Variants in SBNO1 observed in about 807,000 individuals in gnomAD.
SBNO1 encodes strawberry notch homolog 1.
Under a neutral mutation model 173.6 loss-of-function variants are expected in SBNO1, and 23 were observed. The ratio of observed to expected loss-of-function variants is 0.13; its 90% confidence interval spans 0.10 to 0.19. The LOEUF is 0.19. SBNO1 is among the 10% of genes least tolerant of loss of function. SBNO1 has a pLI of 1.00. For synonymous variants in SBNO1, 632 were observed against 571.5 expected (o/e 1.11, Z -1.51); for missense variants, 1,238 against 1,671.2 (o/e 0.74, Z 4.52).
At chr12:123,358,872 C>T (rs1396178417) in intron 1 of SBNO1, among the ~76,000 whole-genome samples, 3 of 151,978 alleles carry the variant, frequency 2.0e-5, no homozygotes, top group Non-Finnish European at 4.4e-5. Context: ...AACCCTGTTC[C>T]AGTACTTTTC....
At position 123,293,380 on chromosome 12, in the gene SBNO1, C is replaced by G. The variant is rs2048539615; in HGVS notation, c.*2528G>C. On this transcript the variant is annotated 3_prime_UTR_variant, in exon 32 of 32. Coordinates refer to ENST00000602398, the MANE Select transcript of SBNO1 (RefSeq NM_001167856.3). ...CGCCCGGCTACGAGTTGGGTTTTAA[C>G]AGAAGAGGACCTTGAATGCTGAAGC... 1 of 152,170 alleles carries G rather than the reference C, an allele frequency of 6.6e-6. No homozygotes were observed. Among genetic ancestry groups the G allele is most frequent in the Non-Finnish European group, 1.5e-5 (1 of 68,040 alleles). 9.4% of individuals were successfully genotyped at this position (152,170 alleles called of 1,614,324 possible). A position where few individuals can be genotyped will look rare whatever the true frequency, so the allele number is the denominator to read the frequency against.
intron 5 of SBNO1, among the ~76,000 whole-genome samples, chr12:123,338,728 G>GT: frequency 6.6e-6 from 1 of 151,672 alleles, no homozygotes; most frequent in South Asian, 2.1e-4. Flanking sequence ...TCTGGGTGTG[G>GT]TGGTGGTGGT....
At position 123,320,817 on chromosome 12, in the gene SBNO1, C is replaced by T. The variant is rs1064748; in HGVS notation, c.2373G>A (p.Lys791=). 1.3e-6 allele frequency: 2 copies of T among 1,597,092 alleles called. No individual in the cohort carries two copies. Among genetic ancestry groups the T allele is most frequent in the Middle Eastern group, 4.0e-4 (2 of 5,052 alleles). ...KDHKKNKEKK[K]KKSIDPDSIQ... is the part of the protein sequence containing the mutation. Reference sequence around the variant, plus strand: ...TAGAATCTGGATCTATACTTTTCTTCTTTTTTTTCTCTTTGTTTTTCTTGT... The same window carrying T: ...TAGAATCTGGATCTATACTTTTCTTTTTTTTTTTCTCTTTGTTTTTCTTGT... Residue 791 remains lysine (K), a synonymous_variant, in exon 18 of 32, where the codon AAG becomes AAA. Transcript: ENST00000602398.
At chr12:123,314,937 T>C (rs1476553551) in intron 23 of SBNO1, among the ~76,000 whole-genome samples, 1 of 151,544 alleles carries the variant, frequency 6.6e-6, no homozygotes, top group Non-Finnish European at 1.5e-5. Flanking sequence ...CAGATGTGGT[T>C]GCACCACGTT....
Position 123,311,720 on chromosome 12 carries a change from C to CTATCTATATA in SBNO1, c.3221-592_3221-591insTATATAGATA, listed in dbSNP as rs1224940028. On this transcript the variant is annotated intron_variant, in intron 24 of 31. Transcript: ENST00000602398. Reference sequence around the variant, plus strand: ...TCTATCTATCTATCTATCTATCTATCTATATATATATATATATATATATAT... The same window carrying CTATCTATATA: ...TCTATCTATCTATCTATCTATCTATCTATCTATATATATATATATATATATATATATATAT... Among the ~76,000 whole-genome samples the CTATCTATATA allele has an allele frequency of 3.3e-3, 417 of 127,374 alleles. 2 individuals are homozygous for CTATCTATATA. The highest frequency in any genetic ancestry group is 0.01 in the African/African-American group (325 of 31,456). 83.6% of individuals were successfully genotyped at this position (127,374 alleles called of 152,430 possible). A position where few individuals can be genotyped will look rare whatever the true frequency, so the allele number is the denominator to read the frequency against.
At chr12:123,311,208 G>T (rs576257664) in intron 24 of SBNO1, 79 bp from the exon 25 acceptor site, 31 of 1,030,820 alleles carry the variant, frequency 3.0e-5, no homozygotes, top group South Asian at 2.6e-4. Context: ...AAAGTATGTT[G>T]TAAGTAGTAT....
intron 6 of SBNO1, among the ~76,000 whole-genome samples, 195 bp from the exon 7 acceptor site, chr12:123,334,408 T>C (rs1403243016): frequency 6.6e-6 from 1 of 152,156 alleles, no homozygotes; most frequent in African/African-American, 2.4e-5. Context: ...CAACTACATA[T>C]GGTTAAAACA....
intron 7 of SBNO1, among the ~76,000 whole-genome samples, chr12:123,332,247 T>A (rs370560517): frequency 6.6e-6 from 1 of 152,194 alleles, no homozygotes; most frequent in Non-Finnish European, 1.5e-5. Context: ...GAGCCCGCCA[T>A]ACCCCTTATC....
chr12:123,364,786 G>T lies in SBNO1; in HGVS notation c.-86C>A. On this transcript the variant is annotated 5_prime_UTR_variant, in exon 1 of 32. Coordinates refer to ENST00000602398, the MANE Select transcript of SBNO1 (RefSeq NM_001167856.3). ...AGAGGCGACTGGAGCGGAGGCGGCG[G>T]TGGCGGCGGCAGCAGCGGCGTCCTG... 1.0e-6 allele frequency: 1 copy of T among 987,744 alleles called. No individual in the cohort carries two copies. Among genetic ancestry groups the T allele is most frequent in the South Asian group, 4.6e-5 (1 of 21,840 alleles). 61.2% of individuals were successfully genotyped at this position (987,744 alleles called of 1,614,324 possible).
Position 123,341,219 on chromosome 12 carries a change from G to A in SBNO1, c.551-131C>T. Reference sequence around the variant, plus strand: ...AATCCCAGCATTTTTGGGACACCAAGGCGGGTGAATTACAAGGTCAGGAGT... The same window carrying A: ...AATCCCAGCATTTTTGGGACACCAAAGCGGGTGAATTACAAGGTCAGGAGT... On this transcript the variant is annotated intron_variant, in intron 4 of 31. Transcript: ENST00000602398. The A allele has an allele frequency of 5.3e-6, 3 of 569,226 alleles. No homozygotes were observed. The South Asian group carries it at 6.7e-5, about 13-fold the overall frequency. The allele number at this position is 569,226 out of a possible 1,614,324, so 35.3% of individuals were successfully genotyped here.
chr12:123,296,504 G>A (rs1367847941), intron 31 of SBNO1, among the ~76,000 whole-genome samples: 1 of 151,832 alleles, frequency 6.6e-6, no homozygotes, highest in East Asian at 1.9e-4. Flanking sequence ...AGTCCTGCAT[G>A]TAGGATTGAA....
chr12:123,319,556 C>T (rs1869711502), intron 20 of SBNO1, among the ~76,000 whole-genome samples: 1 of 151,962 alleles, frequency 6.6e-6, no homozygotes, highest in African/African-American at 2.4e-5. Context: ...TACAGGCATG[C>T]ACTACCACAC....
intron 17 of SBNO1, 82 bp downstream of exon 17, chr12:123,321,453 C>G: frequency 1.0e-6 from 1 of 996,308 alleles, no homozygotes. Context: ...TTGTACTGTA[C>G]AGAAGAAAAG....
At position 123,331,227 on chromosome 12, in the gene SBNO1, T is replaced by C; in HGVS notation, c.1043+15A>G. 6.2e-7 allele frequency: 1 copy of C among 1,612,416 alleles called. No individual in the cohort carries two copies. The highest frequency in any genetic ancestry group is 8.5e-7 in the Non-Finnish European group (1 of 1,179,020). On this transcript the variant is annotated intron_variant, in intron 8 of 31. Coordinates refer to ENST00000602398, the MANE Select transcript of SBNO1 (RefSeq NM_001167856.3). ...TCCGCTGCGCCTGGCCCACAGCCAG[T>C]TTTTAAACACTTACCACAATGCTCG...
At chr12:123,353,813 T>C (rs1205192894) in intron 1 of SBNO1, among the ~76,000 whole-genome samples, 1 of 152,182 alleles carries the variant, frequency 6.6e-6, no homozygotes, top group African/African-American at 2.4e-5. Context: ...AATAGAACTC[T>C]GGAGACTATC....
chr12:123,298,410 T>TG (rs1050336607), intron 30 of SBNO1, among the ~76,000 whole-genome samples: 2 of 151,886 alleles, frequency 1.3e-5, no homozygotes, highest in African/African-American at 2.4e-5. Context: ...GGGACTTTTT[T>TG]TTGTTGTTGT....
chr12:123,317,925 G>A (rs1439455186), intron 20 of SBNO1, among the ~76,000 whole-genome samples: 2 of 152,126 alleles, frequency 1.3e-5, no homozygotes, highest in African/African-American at 4.8e-5. Flanking sequence ...ACTAATACCT[G>A]TACCTACAAT....
At chr12:123,306,332 TAC>T (rs775748134) in intron 28 of SBNO1, among the ~76,000 whole-genome samples, 60 of 152,260 alleles carry the variant, frequency 3.9e-4, no homozygotes, top group East Asian at 1.9e-4. Flanking sequence ...CAGCACAGGC[TAC>T]ACACACTGAA....
chr12:123,362,264 G>A (rs1322668412), intron 1 of SBNO1, among the ~76,000 whole-genome samples: 2 of 151,016 alleles, frequency 1.3e-5, no homozygotes, highest in African/African-American at 2.4e-5. Flanking sequence ...GTGAAACCCC[G>A]TCTCTACTAA....
Sources: gnomAD v4.1 joint callset for allele counts (sites outside exome capture counted in the v4.1 genomes callset) on GRCh38, gnomAD v4.1.1 for gene constraint, MANE v1.5 for transcripts, NCBI Gene and HGNC (gene_info 2026-07-23, HGNC 2026-07-21) for gene names.